ITPR3: variants seen among roughly 807,000 people sequenced by gnomAD.
ITPR3 encodes inositol 1,4,5-trisphosphate receptor type 3.
A neutral mutation model predicts 293.2 loss-of-function variants in ITPR3; 173 were observed. The ratio of observed to expected loss-of-function variants is 0.59; its 90% CI spans 0.52 to 0.67. The LOEUF (loss-of-function observed/expected upper bound fraction) is 0.67. Among genes scored for constraint, ITPR3 ranks in the 30% least tolerant of loss-of-function variants. The pLI is 0.00. For missense variants in ITPR3, 2,796 were observed against 3,592.1 expected (o/e 0.78, Z 5.66); for synonymous variants, 1,295 against 1,444.4 (o/e 0.90, Z 2.35).
chr6:33,647,025 A>G (rs1251917782), intron 2 of ITPR3, among the ~76,000 whole-genome samples: 2 of 152,184 alleles, frequency 1.3e-5, no homozygotes, highest in African/African-American at 4.8e-5. Flanking sequence ...ATATTAAAAA[A>G]GGTTATTTAT....
Position 33,688,044 on chromosome 6 carries a change from T to A in ITPR3, c.6265-13T>A. The A allele has an allele frequency of 6.2e-7, 1 of 1,609,136 alleles. No individual in the cohort carries two copies. The highest frequency in any genetic ancestry group is 8.5e-7 in the Non-Finnish European group (1 of 1,176,778). On this transcript the variant is annotated splice_polypyrimidine_tract_variant and intron_variant, in intron 46 of 57. Transcript: ENST00000605930. ...AGGCTGGGGCCTGACCTCCGCGCCC[T>A]CCCCACCTCCAGCTCAGCCTCAACA...
chr6:33,671,583 C>A (rs1764766659), intron 21 of ITPR3, among the ~76,000 whole-genome samples: 1 of 151,740 alleles, frequency 6.6e-6, no homozygotes, highest in Non-Finnish European at 1.5e-5. Context: ...ACAGCTCTGT[C>A]ATCGTGTGTG....
Position 33,670,216 on chromosome 6 carries a change from A to C in ITPR3, c.2190-109A>C. The C allele has an allele frequency of 8.4e-7, 1 of 1,194,916 alleles. No homozygotes were observed. Among genetic ancestry groups the C allele is most frequent in the Non-Finnish European group, 1.2e-6 (1 of 829,994 alleles). 74.0% of individuals were successfully genotyped at this position (1,194,916 alleles called of 1,614,324 possible). On this transcript the variant is annotated intron_variant, in intron 18 of 57. Coordinates refer to ENST00000605930, the MANE Select transcript of ITPR3 (RefSeq NM_002224.4). The surrounding 1 kb of genome is among the most constrained non-coding windows in gnomAD (Gnocchi z 6.7). ...TCAGAATTGCAGCTGGCGCATCTTTAACCTAATCCCTTTGCCACTTTACTG... is the reference window on the plus strand; with the variant it reads ...TCAGAATTGCAGCTGGCGCATCTTTCACCTAATCCCTTTGCCACTTTACTG...
chr6:33,638,818 C>G lies in ITPR3; in HGVS notation c.90-1666C>G, dbSNP rs552286405. ...GAGAGACACTGCCAGGACCAGGTGC[C>G]GGAACATGAAGGAGGGAGGCCCACA... On this transcript the variant is annotated intron_variant, in intron 1 of 57. Coordinates refer to ENST00000605930, the MANE Select transcript of ITPR3 (RefSeq NM_002224.4). This position sits in a 1 kb window ranked among gnomAD's most constrained non-coding sequence, Gnocchi z 4.3. Among the ~76,000 whole-genome samples the G allele has an allele frequency of 6.6e-6, 1 of 152,188 alleles. No homozygotes were observed.
Position 33,670,789 on chromosome 6 carries a change from G to A in ITPR3, c.2560G>A (p.Glu854Lys), listed in dbSNP as rs1764740189. The A allele has an allele frequency of 1.9e-6, 3 of 1,613,830 alleles. No individual in the cohort carries two copies. The highest frequency in any genetic ancestry group is 2.5e-6 in the Non-Finnish European group (3 of 1,180,004). Residue 854 changes from glutamate to lysine, a missense_variant, in exon 20 of 58, where the codon GAG (glutamate) becomes AAG (lysine). By Grantham distance (56) the Glu-to-Lys change is moderately conservative (BLOSUM62 1). Transcript: ENST00000605930. This position sits in a 1 kb window ranked among gnomAD's most constrained non-coding sequence, Gnocchi z 6.7. Reference protein sequence around the residue: ...VVSEAVPFANEEKNKLTFEVV... With the variant: ...VVSEAVPFANKEKNKLTFEVV... ...CAGCGAGGCCGTGCCCTTTGCCAAC[G>A]AGGAGAAGAACAAGCTCACTTTTGA...
Position 33,668,989 on chromosome 6 carries a change from G to A in ITPR3, c.2022G>A (p.Lys674=). ...TGGTCTGCAGGCTTCGGCCCGTGAA[G>A]GAGATGGCCCAATCCCACGAGTACC... The part of the protein sequence containing the change: ...ILIRTELRPV[K]EMAQSHEYLS... The change falls in exon 18 of 58, where the codon AAG becomes AAA. Residue 674 remains lysine (K), a synonymous_variant. Coordinates refer to ENST00000605930, the MANE Select transcript of ITPR3 (RefSeq NM_002224.4). 1 of 1,613,882 alleles carries A rather than the reference G, an allele frequency of 6.2e-7. No homozygotes were observed. Among genetic ancestry groups the A allele is most frequent in the Non-Finnish European group, 8.5e-7 (1 of 1,180,010 alleles).
At position 33,667,321 on chromosome 6, in the gene ITPR3, G is replaced by GGCT. The variant is rs1431036488; in HGVS notation, c.1713+34_1713+36dup. The GGCT allele has an allele frequency of 6.2e-7, 1 of 1,601,886 alleles. No individual in the cohort carries two copies. On this transcript the variant is annotated intron_variant, in intron 15 of 57. Transcript: ENST00000605930. This position sits in a 1 kb window ranked among gnomAD's most constrained non-coding sequence, Gnocchi z 4.4. ...CCGCTGCCCTGCTGGCCCACTCGCT[G>GGCT]GCTGCACGTTCCTTCCTCAGCAAGC...
chr6:33,673,528 G>T, intron 22 of ITPR3, 63 bp from the exon 23 acceptor site: 3 of 1,591,154 alleles, frequency 1.9e-6, no homozygotes, highest in Non-Finnish European at 2.6e-6. Context: ...AAAGTAGGAA[G>T]GGCCTTCTGA....
chr6:33,638,180 A>G lies in ITPR3; in HGVS notation c.90-2304A>G, dbSNP rs919668510. 2.0e-4 allele frequency among the ~76,000 whole-genome samples: 30 copies of G among 151,014 alleles called. No homozygotes were observed. The highest frequency in any genetic ancestry group is 6.6e-4 in the African/African-American group (27 of 41,092). Reference sequence around the variant, plus strand: ...ACCGCCACGCCCAGCTAATTTTTGTATTTTTAGTAGAGATGAGGTTTCACC... The same window carrying G: ...ACCGCCACGCCCAGCTAATTTTTGTGTTTTTAGTAGAGATGAGGTTTCACC... On this transcript the variant is annotated intron_variant, in intron 1 of 57. Coordinates refer to ENST00000605930, the MANE Select transcript of ITPR3 (RefSeq NM_002224.4). The surrounding 1 kb of genome is among the most constrained non-coding windows in gnomAD (Gnocchi z 4.3).
chr6:33,661,992 GAAAAAAAAAAAA>G (rs55958712), intron 7 of ITPR3, among the ~76,000 whole-genome samples: 3 of 47,192 alleles, frequency 6.4e-5, no homozygotes, highest in Middle Eastern at 0.015. Flanking sequence ...GACTGTCTCT[GAAAAAAAAAAAA>G]AAAAAAAAAA....
At chr6:33,693,254 CCTCG>C (rs1249709112) in intron 55 of ITPR3, among the ~76,000 whole-genome samples, 2 of 152,130 alleles carry the variant, frequency 1.3e-5, no homozygotes, top group African/African-American at 2.4e-5. Flanking sequence ...GCCTGTAGGA[CCTCG>C]CTCATTCAGC....
chr6:33,656,105 G>A (rs889909961), intron 3 of ITPR3, among the ~76,000 whole-genome samples: 1 of 151,896 alleles, frequency 6.6e-6, no homozygotes, highest in Non-Finnish European at 1.5e-5. Flanking sequence ...AGCAGCTTGG[G>A]CAACATAGCA....
At position 33,658,907 on chromosome 6, in the gene ITPR3, A is replaced by ATAAGGGCATGCCCATTTCT; in HGVS notation, c.528+82_529-93dup. 1 of 1,601,720 alleles carries ATAAGGGCATGCCCATTTCT rather than the reference A, an allele frequency of 6.2e-7. No individual in the cohort carries two copies. The highest frequency in any genetic ancestry group is 1.3e-5 in the African/African-American group (1 of 74,728). The stretch of plus-strand genomic sequence containing the variant: ...GTAGGGTCTTCGGTGTGGGGACTGG[A>ATAAGGGCATGCCCATTTCT]TAAGGGCATGCCCATTTCTTAGAAG... On this transcript the variant is annotated intron_variant, in intron 5 of 57. Coordinates refer to ENST00000605930, the MANE Select transcript of ITPR3 (RefSeq NM_002224.4). This position sits in a 1 kb window ranked among gnomAD's most constrained non-coding sequence, Gnocchi z 6.1.
chr6:33,659,011 G>A lies in ITPR3; in HGVS notation c.529-10G>A, dbSNP rs1017471959. ...CCTTCCCACCTAACCTGTCCCACCT[G>A]TCTGCTCAGGTGGTCGTGGGGGACA... On this transcript the variant is annotated splice_polypyrimidine_tract_variant and intron_variant, in intron 5 of 57. Coordinates refer to ENST00000605930, the MANE Select transcript of ITPR3 (RefSeq NM_002224.4). The A allele has an allele frequency of 9.3e-6, 15 of 1,613,944 alleles. No individual in the cohort carries two copies. The African/African-American group carries it at 1.7e-4, about 19-fold the overall frequency.
At chr6:33,630,046 G>A (rs1429380060) in intron 1 of ITPR3, among the ~76,000 whole-genome samples, 3 of 152,036 alleles carry the variant, frequency 2.0e-5, no homozygotes, top group Non-Finnish European at 4.4e-5. Context: ...AGCTGAGATC[G>A]TGCCACTGCA....
chr6:33,680,882 G>A (rs1765057192), intron 33 of ITPR3, among the ~76,000 whole-genome samples: 1 of 148,090 alleles, frequency 6.8e-6, no homozygotes, highest in African/African-American at 2.5e-5. Context: ...GTGCAGTGGC[G>A]CGATCTCTGC....
rs149938326 is a variant in ITPR3 at position 33,682,565 on chromosome 6, A to G, written c.4518A>G (p.Thr1506=). 4.4e-6 allele frequency: 7 copies of G among 1,584,042 alleles called. No individual in the cohort carries two copies. In the African/African-American group the frequency reaches 8.2e-5, roughly 19 times the overall value. ...TIVVQLLQST[T]RLLECPWLQQ... ...TGGTGCAGCTGCTGCAGTCTACCAC[A>G]CGCCTCCTCGAGTGTCCGTGGCTAC... The change falls in exon 34 of 58, where the codon ACA becomes ACG. Residue 1506 remains threonine, a synonymous_variant. Coordinates refer to ENST00000605930, the MANE Select transcript of ITPR3 (RefSeq NM_002224.4). The surrounding 1 kb of genome is among the most constrained non-coding windows in gnomAD (Gnocchi z 5.4).
chr6:33,691,763 G>A lies in ITPR3; in HGVS notation c.7331-38G>A, dbSNP rs765525072. The A allele has an allele frequency of 1.2e-6, 2 of 1,607,292 alleles. No homozygotes were observed. Among genetic ancestry groups the A allele is most frequent in the South Asian group, 2.2e-5 (2 of 90,440 alleles). Reference sequence around the variant, plus strand: ...CAGGAGTCTGTGTGGGGTAGGAGGAGCAGGCAGCCCGGGCCTCAGCACACT... The same window carrying A: ...CAGGAGTCTGTGTGGGGTAGGAGGAACAGGCAGCCCGGGCCTCAGCACACT... On this transcript the variant is annotated intron_variant, in intron 53 of 57. Coordinates refer to ENST00000605930, the MANE Select transcript of ITPR3 (RefSeq NM_002224.4). This position sits in a 1 kb window ranked among gnomAD's most constrained non-coding sequence, Gnocchi z 4.9.
chr6:33,625,044 G>A (rs1285920201), intron 1 of ITPR3, among the ~76,000 whole-genome samples: 1 of 152,248 alleles, frequency 6.6e-6, no homozygotes, highest in East Asian at 1.9e-4. Flanking sequence ...CTTGGCAGGA[G>A]AGCAAGGCCA....
Sources: gnomAD v4.1 joint callset for allele counts (sites outside exome capture counted in the v4.1 genomes callset) on GRCh38, gnomAD v4.1.1 for gene constraint, Gnocchi (gnomAD v3.1) non-coding constraint, MANE v1.5 for transcripts, NCBI Gene and HGNC (gene_info 2026-07-23, HGNC 2026-07-21) for gene names.